Variants in SIPA1L2 observed in about 807,000 individuals in gnomAD.
SIPA1L2 encodes signal-induced proliferation-associated 1-like protein 2.
A neutral mutation model predicts 163.9 loss-of-function variants in SIPA1L2; 56 were observed. The observed-to-expected ratio is 0.34, with a 90% CI of 0.28 to 0.43. SIPA1L2 has a LOEUF of 0.43. Among genes scored for constraint, SIPA1L2 ranks in the 20% least tolerant of loss-of-function variants. The probability of loss-of-function intolerance (pLI) is 1.00; values close to 1 mark genes in which losing one functional copy is unlikely to be tolerated. For synonymous variants in SIPA1L2, 877 were observed against 865.7 expected, an observed-to-expected ratio of 1.01 and a Z score of -0.23; for missense variants, 1,974 against 2,193.5, an observed-to-expected ratio of 0.90 and a Z score of 2.00.
chr1:232,555,842 T>A (rs1658670992), intron 2 of SIPA1L2, among the ~76,000 whole-genome samples: 1 of 152,200 alleles, frequency 6.6e-6, no homozygotes, highest in Admixed American at 6.5e-5. Flanking sequence ...AATTCTCTAT[T>A]ACAGAAAAAA....
chr1:232,572,597 G>A lies in SIPA1L2; in HGVS notation c.-270+1577C>T, dbSNP rs555353361. Reference sequence around the variant, plus strand: ...TGTACTCACAATTTATAAGAAACTCGTAGTGGATATCCACCCCCTCCTCCA... The same window carrying A: ...TGTACTCACAATTTATAAGAAACTCATAGTGGATATCCACCCCCTCCTCCA... On this transcript the variant is annotated intron_variant, in intron 2 of 22. Coordinates refer to ENST00000674635, the MANE Select transcript of SIPA1L2 (RefSeq NM_020808.5). Among the ~76,000 whole-genome samples the A allele has an allele frequency of 2.2e-4, 33 of 150,600 alleles. No homozygotes were observed. In the South Asian group the frequency reaches 5.9e-3, roughly 27 times the overall value.
intron 19 of SIPA1L2, among the ~76,000 whole-genome samples, chr1:232,408,632 G>A (rs1239045449): frequency 6.6e-6 from 1 of 152,004 alleles, no homozygotes; most frequent in Non-Finnish European, 1.5e-5. Flanking sequence ...ATGTGTGGTT[G>A]AACATTTTTC....
chr1:232,439,029 T>G (rs1662730719), intron 15 of SIPA1L2, 79 bp downstream of exon 15: 1 of 1,462,538 alleles, frequency 6.8e-7, no homozygotes, highest in Admixed American at 2.2e-5. Flanking sequence ...CTGCTTACAG[T>G]TCAGGCTTCT....
chr1:232,415,368 A>G (rs1025752256), intron 19 of SIPA1L2, 126 bp downstream of exon 19: 3 of 1,218,436 alleles, frequency 2.5e-6, no homozygotes, highest in Non-Finnish European at 3.3e-6. Context: ...TCATCCAACA[A>G]GGCAAAACAT....
chr1:232,457,434 G>A (rs1663984015), intron 10 of SIPA1L2, among the ~76,000 whole-genome samples: 1 of 152,114 alleles, frequency 6.6e-6, no homozygotes, highest in African/African-American at 2.4e-5. Flanking sequence ...TAGTGTTTAT[G>A]TTAAAAACTA....
rs142103760 is a variant in SIPA1L2, at chr1:232,550,572, G to A, written c.-270+23602C>T. On this transcript the variant is annotated intron_variant, in intron 2 of 22. Transcript: ENST00000674635. ...GAAAAACAGCTGATTCTGCCTTTTGGAGCATTAATAATTGTGGCTGTTTTT... is the reference window on the plus strand; with the variant it reads ...GAAAAACAGCTGATTCTGCCTTTTGAAGCATTAATAATTGTGGCTGTTTTT... Among the ~76,000 whole-genome samples the A allele has an allele frequency of 1.4e-4, 22 of 152,286 alleles. No individual in the cohort carries two copies. The East Asian group carries it at 4.2e-3, about 29-fold the overall frequency.
intron 18 of SIPA1L2, among the ~76,000 whole-genome samples, chr1:232,421,812 T>C (rs1661590986): frequency 6.6e-6 from 1 of 152,238 alleles, no homozygotes; most frequent in Non-Finnish European, 1.5e-5. Flanking sequence ...GGGCATTCTT[T>C]GTGATGTGCG....
intron 1 of SIPA1L2, among the ~76,000 whole-genome samples, chr1:232,575,834 T>C (rs1219853864): frequency 6.6e-6 from 1 of 152,166 alleles, no homozygotes; most frequent in Admixed American, 6.5e-5. Context: ...TGGAATATTA[T>C]TCAGCCTTAA....
intron 8 of SIPA1L2, among the ~76,000 whole-genome samples, chr1:232,470,144 T>C (rs993674555): frequency 2.0e-5 from 3 of 152,146 alleles, no homozygotes; most frequent in African/African-American, 7.2e-5. Flanking sequence ...CTCACCAGGT[T>C]TGTACCAATA....
At chr1:232,490,777 T>C in intron 5 of SIPA1L2, 97 bp downstream of exon 5, 5 of 1,263,932 alleles carry the variant, frequency 4.0e-6, no homozygotes, top group East Asian at 2.4e-5. Context: ...GCATTTAAAA[T>C]AAATGATCTT....
At chr1:232,530,171 G>A (rs546546170) in intron 2 of SIPA1L2, among the ~76,000 whole-genome samples, 11 of 151,598 alleles carry the variant, frequency 7.3e-5, no homozygotes, top group Admixed American at 6.6e-4. Flanking sequence ...CTGGAATGCA[G>A]TGGCACGGTC....
At chr1:232,498,211 C>A (rs1666294992) in intron 3 of SIPA1L2, among the ~76,000 whole-genome samples, 1 of 152,000 alleles carries the variant, frequency 6.6e-6, no homozygotes, top group African/African-American at 2.4e-5. Context: ...TGGTATTGTC[C>A]AAAAGTAATG....
At chr1:232,463,013 C>T (rs1664320262) in intron 9 of SIPA1L2, among the ~76,000 whole-genome samples, 2 of 152,290 alleles carry the variant, frequency 1.3e-5, no homozygotes, top group African/African-American at 2.4e-5. Context: ...TTGTAGTCTC[C>T]AAGCCAGGAC....
At chr1:232,508,362 C>A (rs1353391327) in intron 3 of SIPA1L2, among the ~76,000 whole-genome samples, 1 of 152,220 alleles carries the variant, frequency 6.6e-6, no homozygotes, top group Admixed American at 6.5e-5. Flanking sequence ...GAGTAACCCA[C>A]TAGGTGCACA....
At chr1:232,411,046 T>C (rs1255572151) in intron 19 of SIPA1L2, among the ~76,000 whole-genome samples, 1 of 152,204 alleles carries the variant, frequency 6.6e-6, no homozygotes. Context: ...ACAACTGGGA[T>C]CAGCCAAGCT....
chr1:232,444,435 A>C (rs1663084457), intron 11 of SIPA1L2, among the ~76,000 whole-genome samples: 1 of 152,188 alleles, frequency 6.6e-6, no homozygotes, highest in Non-Finnish European at 1.5e-5. Flanking sequence ...TGAATATGGG[A>C]AAGTTATAAA....
At chr1:232,405,917 T>A (rs531683736) in intron 19 of SIPA1L2, among the ~76,000 whole-genome samples, 1 of 152,190 alleles carries the variant, frequency 6.6e-6, no homozygotes, top group East Asian at 1.9e-4. Context: ...AAACAGAATT[T>A]CCTACAGGCA....
intron 7 of SIPA1L2, among the ~76,000 whole-genome samples, chr1:232,477,761 A>G (rs1665123043): frequency 6.6e-6 from 1 of 152,178 alleles, no homozygotes; most frequent in Non-Finnish European, 1.5e-5. Flanking sequence ...TTACGCTTCA[A>G]TGAAAGGGGG....
intron 2 of SIPA1L2, among the ~76,000 whole-genome samples, chr1:232,564,233 TTC>T (rs1659250519): frequency 1.6e-5 from 1 of 61,740 alleles, no homozygotes; most frequent in African/African-American, 9.6e-5. Context: ...TTTTTTTTTT[TTC>T]GTGTGTGTGT....
Sources: allele counts gnomAD v4.1 joint callset (sites outside exome capture counted in the v4.1 genomes callset), GRCh38; gene constraint gnomAD v4.1.1; transcripts MANE v1.5; gene names NCBI Gene and HGNC (gene_info 2026-07-23, HGNC 2026-07-21).